ERBB4: variants seen among roughly 807,000 people sequenced by gnomAD.
ERBB4 encodes erb-b2 receptor tyrosine kinase 4.
In ERBB4, 42 loss-of-function variants were observed where a neutral mutation model predicts 158.0. The ratio of observed to expected loss-of-function variants is 0.27; its 90% confidence interval spans 0.21 to 0.34. The LOEUF (loss-of-function observed/expected upper bound fraction) is 0.34, where lower values mean the gene tolerates loss of function less well. Among genes scored for constraint, ERBB4 ranks in the 10% least tolerant of loss-of-function variants. ERBB4 has a pLI of 1.00. For synonymous variants in ERBB4, 583 were observed against 558.7 expected (o/e 1.04, Z -0.61); for missense variants, 1,333 against 1,624.1 (o/e 0.82, Z 3.08).
chr2:211,828,426 TGC>T lies in ERBB4; in HGVS notation c.422-40269_422-40268del, dbSNP rs1181511731. On this transcript the variant is annotated intron_variant, in intron 3 of 27. Transcript: ENST00000342788. ...AAATTTTCTTCCAGAGCCTGTGGCA[TGC>T]CTCCACATCTGTGATCTGTGTCTGG... 2.0e-5 allele frequency among the ~76,000 whole-genome samples: 3 copies of T among 152,280 alleles called. No individual in the cohort carries two copies. In the East Asian group the frequency reaches 5.8e-4, roughly 30 times the overall value.
intron 1 of ERBB4, among the ~76,000 whole-genome samples, chr2:212,311,475 T>A (rs2087042104): frequency 6.6e-6 from 1 of 150,854 alleles, no homozygotes; most frequent in African/African-American, 2.4e-5. Flanking sequence ...AACAGGCTGT[T>A]GACTGCCCAT....
At chr2:212,107,207 G>A (rs1018899630) in intron 2 of ERBB4, among the ~76,000 whole-genome samples, 1 of 152,212 alleles carries the variant, frequency 6.6e-6, no homozygotes. Context: ...CAGCCAGGTG[G>A]GAGGCTGGAC....
intron 25 of ERBB4, among the ~76,000 whole-genome samples, chr2:211,413,309 A>AAAACACACAC (rs1553524037): frequency 2.1e-5 from 2 of 94,576 alleles, no homozygotes; most frequent in East Asian, 4.9e-4. Flanking sequence ...CTGTCTTAAA[A>AAAACACACAC]ACACACACAC....
chr2:211,715,283 C>T (rs893812627), intron 7 of ERBB4, among the ~76,000 whole-genome samples: 3 of 152,058 alleles, frequency 2.0e-5, no homozygotes, highest in Non-Finnish European at 4.4e-5. Flanking sequence ...CATTCCAAGT[C>T]AATATCCACA....
chr2:211,627,787 G>T (rs181147978), intron 17 of ERBB4, among the ~76,000 whole-genome samples: 1 of 152,304 alleles, frequency 6.6e-6, no homozygotes, highest in Admixed American at 6.5e-5. Flanking sequence ...AAGTTGAGAA[G>T]GGTCTGGTAA....
intron 1 of ERBB4, chr2:212,426,306 A>G (rs567964260): frequency 2.1e-6 from 1 of 469,212 alleles, no homozygotes; most frequent in Non-Finnish European, 4.2e-6. Context: ...AGTTTTTGCC[A>G]TTAAAAGTAA....
At chr2:212,067,114 C>T (rs182014343) in intron 2 of ERBB4, among the ~76,000 whole-genome samples, 7 of 152,094 alleles carry the variant, frequency 4.6e-5, no homozygotes, top group Non-Finnish European at 8.8e-5. Flanking sequence ...GTATAGCACA[C>T]CTTTATAAAC....
intron 26 of ERBB4, 110 bp from the exon 27 acceptor site, chr2:211,387,260 A>G: frequency 1.1e-6 from 1 of 949,552 alleles, no homozygotes; most frequent in Middle Eastern, 3.2e-4. Flanking sequence ...GAATAGTCAT[A>G]GTATTTACTG....
chr2:212,455,394 G>T (rs1466359641), intron 1 of ERBB4, among the ~76,000 whole-genome samples: 1 of 128,786 alleles, frequency 7.8e-6, no homozygotes, highest in Non-Finnish European at 1.9e-5. Flanking sequence ...GCAGCCTCTA[G>T]CCCTGAGTTA....
At chr2:211,772,828 T>TACACAC in intron 4 of ERBB4, among the ~76,000 whole-genome samples, 1 of 12,202 alleles carries the variant, frequency 8.2e-5, no homozygotes, top group African/African-American at 5.5e-4. Flanking sequence ...TATATATATA[T>TACACAC]ATATATACAC....
chr2:211,524,430 TGG>T (rs1559258509), intron 20 of ERBB4, among the ~76,000 whole-genome samples: 6 of 146,146 alleles, frequency 4.1e-5, no homozygotes, highest in African/African-American at 1.4e-4. Flanking sequence ...GAGCAGGGGG[TGG>T]TGCTCGTCGG....
chr2:212,351,935 G>A (rs1364123646), intron 1 of ERBB4, among the ~76,000 whole-genome samples: 3 of 152,136 alleles, frequency 2.0e-5, no homozygotes, highest in African/African-American at 7.2e-5. Context: ...ATCAGTGGTA[G>A]ACTGGATAAA....
At chr2:212,501,382 G>T (rs1002511258) in intron 1 of ERBB4, among the ~76,000 whole-genome samples, 5 of 152,060 alleles carry the variant, frequency 3.3e-5, no homozygotes, top group Non-Finnish European at 7.4e-5. Context: ...TTCAGACAAG[G>T]TCAAACCCTG....
chr2:212,001,790 A>G (rs895107332), intron 2 of ERBB4, among the ~76,000 whole-genome samples: 14 of 152,226 alleles, frequency 9.2e-5, no homozygotes, highest in African/African-American at 3.4e-4. Flanking sequence ...ATTTAAAATA[A>G]TATGTACAAA....
In ERBB4 at chr2:212,373,843, G is replaced by GTATATATCCATA. The variant is rs1560145868; in HGVS notation, c.82+164605_82+164606insTATGGATATATA. Among the ~76,000 whole-genome samples the GTATATATCCATA allele has an allele frequency of 4.9e-4, 31 of 63,234 alleles. 1 individual carries two copies. Among genetic ancestry groups the GTATATATCCATA allele is most frequent in the African/African-American group, 1.9e-3 (26 of 13,550 alleles). 41.5% of individuals were successfully genotyped at this position (63,234 alleles called of 152,430 possible). ...TATATCCATATATATATATATCCAT[G>GTATATATCCATA]TATATATCCATGTATATATCCATAT... On this transcript the variant is annotated intron_variant, in intron 1 of 27. Transcript: ENST00000342788.
chr2:211,630,560 G>A lies in ERBB4; in HGVS notation c.1981C>T (p.Leu661Phe), dbSNP rs1267104585. ...PLIAAGVIGG[L>F]FILVIVGLTF... ...AGACCCACAATGACCAGAATGAAGA[G>A]CCCACCAATTACTCCAGCTGCAATC... The change falls in exon 17 of 28, where the codon CTC becomes TTC. Residue 661 changes from leucine (L) to phenylalanine (F), a missense_variant. Physicochemically the swap from Leu to Phe is conservative, Grantham distance 22. Coordinates refer to ENST00000342788, the MANE Select transcript of ERBB4 (RefSeq NM_005235.3). 1 of 1,613,318 alleles carries A rather than the reference G, an allele frequency of 6.2e-7. No homozygotes were observed. Among genetic ancestry groups the A allele is most frequent in the Non-Finnish European group, 8.5e-7 (1 of 1,179,806 alleles).
chr2:211,955,484 T>A (rs2081002530), intron 2 of ERBB4, among the ~76,000 whole-genome samples: 2 of 152,116 alleles, frequency 1.3e-5, no homozygotes, highest in Non-Finnish European at 2.9e-5. Flanking sequence ...TGTATTCCTG[T>A]ATCATAGACT....
intron 1 of ERBB4, among the ~76,000 whole-genome samples, chr2:212,245,151 G>A: frequency 6.6e-6 from 1 of 152,000 alleles, no homozygotes; most frequent in East Asian, 1.9e-4. Flanking sequence ...GATTATTAAG[G>A]AAACACACAC....
At chr2:211,418,641 A>G (rs2125399197) in intron 25 of ERBB4, among the ~76,000 whole-genome samples, 1 of 152,258 alleles carries the variant, frequency 6.6e-6, no homozygotes, top group African/African-American at 2.4e-5. Flanking sequence ...TCTTATAAAA[A>G]GAAAAAGATT....
Sources: allele counts gnomAD v4.1 joint callset (sites outside exome capture counted in the v4.1 genomes callset), GRCh38; gene constraint gnomAD v4.1.1; transcripts MANE v1.5; gene names NCBI Gene and HGNC (gene_info 2026-07-23, HGNC 2026-07-21).